The following GPC5 variants were observed in gnomAD, a reference collection of about 807,000 sequenced individuals.
GPC5 encodes the protein glypican 5, also known as glypican-5.
GPC5 carries 47 observed loss-of-function variants against 53.9 expected under a neutral mutation model. The ratio of observed to expected loss-of-function variants is 0.87; its 90% CI spans 0.69 to 1.11. The LOEUF (loss-of-function observed/expected upper bound fraction) is 1.11. GPC5 is among the 50% of genes most tolerant of loss of function. The pLI is 0.00. For synonymous variants in GPC5, 286 were observed against 263.3 expected (o/e 1.09, Z -0.84); for missense variants, 748 against 713.1 (o/e 1.05, Z -0.56).
At chr13:92,419,177 G>T (rs1050728777) in intron 7 of GPC5, among the ~76,000 whole-genome samples, 1 of 152,164 alleles carries the variant, frequency 6.6e-6, no homozygotes, top group Non-Finnish European at 1.5e-5. Flanking sequence ...GGTCATCAAA[G>T]GGACCATCAC....
At chr13:92,003,355 G>A (rs1319504370) in intron 6 of GPC5, among the ~76,000 whole-genome samples, 1 of 147,094 alleles carries the variant, frequency 6.8e-6, no homozygotes, top group Non-Finnish European at 1.5e-5. Context: ...GAAAAGAAAT[G>A]TTTTAAAAAA....
intron 7 of GPC5, among the ~76,000 whole-genome samples, chr13:92,169,837 G>A (rs1023737255): frequency 2.0e-5 from 3 of 151,990 alleles, no homozygotes; most frequent in Admixed American, 2.0e-4. Context: ...AATACATTGA[G>A]TTTATTTATT....
intron 6 of GPC5, among the ~76,000 whole-genome samples, chr13:92,019,536 T>G (rs2040738235): frequency 1.3e-5 from 2 of 152,116 alleles, no homozygotes; most frequent in South Asian, 4.1e-4. Context: ...AATATGAATC[T>G]CTGTTGCTCA....
At chr13:92,421,794 C>T (rs2139363006) in intron 7 of GPC5, among the ~76,000 whole-genome samples, 2 of 151,030 alleles carry the variant, frequency 1.3e-5, no homozygotes, top group South Asian at 2.1e-4. Context: ...TAGTGGAAGG[C>T]AAAGCCAGAG....
At chr13:92,237,145 T>C (rs894307587) in intron 7 of GPC5, among the ~76,000 whole-genome samples, 6 of 152,162 alleles carry the variant, frequency 3.9e-5, no homozygotes, top group Non-Finnish European at 7.4e-5. Context: ...TCATTGCAAA[T>C]CACTTTAGCT....
intron 5 of GPC5, among the ~76,000 whole-genome samples, chr13:91,901,471 A>G (rs1315742313): frequency 6.6e-6 from 1 of 152,070 alleles, no homozygotes; most frequent in Non-Finnish European, 1.5e-5. Flanking sequence ...ACTCTTTTCC[A>G]TTCTGAGATT....
At chr13:91,583,509 C>A (rs1340521228) in intron 2 of GPC5, among the ~76,000 whole-genome samples, 1 of 152,040 alleles carries the variant, frequency 6.6e-6, no homozygotes, top group East Asian at 1.9e-4. Flanking sequence ...AATGTTATAC[C>A]TAGTACTGAT....
At chr13:91,761,799 A>T (rs1001057905) in intron 5 of GPC5, among the ~76,000 whole-genome samples, 3 of 151,914 alleles carry the variant, frequency 2.0e-5, no homozygotes, top group African/African-American at 7.3e-5. Context: ...ATTTATGGAG[A>T]CTTCATTATG....
At chr13:92,569,968 T>A (rs1230070594) in intron 7 of GPC5, among the ~76,000 whole-genome samples, 1 of 152,192 alleles carries the variant, frequency 6.6e-6, no homozygotes. Context: ...CCCATTTAAT[T>A]CTTGTCCTCG....
At chr13:91,526,034 G>A (rs1353357198) in intron 2 of GPC5, among the ~76,000 whole-genome samples, 1 of 152,098 alleles carries the variant, frequency 6.6e-6, no homozygotes, top group Non-Finnish European at 1.5e-5. Context: ...TTGAGGACAT[G>A]ATAATGATAA....
chr13:91,729,861 C>A, intron 4 of GPC5, among the ~76,000 whole-genome samples: 1 of 152,150 alleles, frequency 6.6e-6, no homozygotes, highest in East Asian at 1.9e-4. Flanking sequence ...CAAAACAAAA[C>A]CCAACCTTTA....
intron 5 of GPC5, among the ~76,000 whole-genome samples, chr13:91,863,300 C>T (rs774103424): frequency 1.3e-5 from 2 of 152,006 alleles, no homozygotes; most frequent in African/African-American, 2.4e-5. Context: ...AAATACTTGG[C>T]TTCTATCCTG....
At chr13:91,722,697 T>C (rs942667143) in intron 3 of GPC5, among the ~76,000 whole-genome samples, 1 of 152,144 alleles carries the variant, frequency 6.6e-6, no homozygotes, top group Non-Finnish European at 1.5e-5. Context: ...CTAGCAGAAA[T>C]CCATGTGGAG....
intron 5 of GPC5, among the ~76,000 whole-genome samples, chr13:91,776,140 G>A (rs1423532178): frequency 6.6e-6 from 1 of 152,144 alleles, no homozygotes; most frequent in Non-Finnish European, 1.5e-5. Context: ...CATCAATGTT[G>A]GACCCGAGAC....
At chr13:91,552,580 G>A (rs2030705984) in intron 2 of GPC5, among the ~76,000 whole-genome samples, 1 of 152,062 alleles carries the variant, frequency 6.6e-6, no homozygotes, top group African/African-American at 2.4e-5. Context: ...TATCCCTTAT[G>A]TGAAACGAAG....
chr13:92,433,915 T>C (rs1484907053), intron 7 of GPC5, among the ~76,000 whole-genome samples: 2 of 152,154 alleles, frequency 1.3e-5, no homozygotes, highest in African/African-American at 4.8e-5. Flanking sequence ...CAGTCAAGCA[T>C]ACATTTGAAG....
intron 7 of GPC5, among the ~76,000 whole-genome samples, chr13:92,281,837 C>T (rs1318842905): frequency 2.0e-5 from 3 of 152,120 alleles, no homozygotes; most frequent in Non-Finnish European, 4.4e-5. Flanking sequence ...AAAATCAGAC[C>T]ACCTCTTCTC....
intron 2 of GPC5, among the ~76,000 whole-genome samples, chr13:91,506,848 C>G (rs1314022711): frequency 6.6e-6 from 1 of 151,930 alleles, no homozygotes; most frequent in Non-Finnish European, 1.5e-5. Context: ...AATAATTTGA[C>G]TATTTGATTA....
intron 6 of GPC5, among the ~76,000 whole-genome samples, chr13:92,017,822 G>A (rs903491956): frequency 4.0e-5 from 6 of 149,160 alleles, no homozygotes; most frequent in African/African-American, 1.2e-4. Flanking sequence ...GTACACACAC[G>A]CATGAGCACA....
Sources: allele counts gnomAD v4.1 joint callset (sites outside exome capture counted in the v4.1 genomes callset), GRCh38; gene constraint gnomAD v4.1.1; transcripts MANE v1.5; gene names NCBI Gene and HGNC (gene_info 2026-07-23, HGNC 2026-07-21).